ZNF560: variants seen among roughly 807,000 people sequenced by gnomAD.
The protein encoded by ZNF560 is zinc finger protein 560.
A neutral mutation model predicts 81.8 loss-of-function variants in ZNF560; 54 were observed. The observed-to-expected ratio is 0.66, with a 90% CI of 0.53 to 0.83. The LOEUF is 0.83. Among genes scored for constraint, ZNF560 ranks in the 40% least tolerant of loss-of-function variants. The probability of loss-of-function intolerance (pLI) is 0.00; values close to 1 mark genes in which losing one functional copy is unlikely to be tolerated. For missense variants in ZNF560, 940 were observed against 932.4 expected, an observed-to-expected ratio of 1.01 and a Z score of -0.11; for synonymous variants, 321 against 317.9, an observed-to-expected ratio of 1.01 and a Z score of -0.10.
chr19:9,495,633 G>A (rs1278576973), intron 2 of ZNF560, among the ~76,000 whole-genome samples: 1 of 152,202 alleles, frequency 6.6e-6, no homozygotes, highest in Non-Finnish European at 1.5e-5. Context: ...CTTGAACCCA[G>A]GAGGCGGAGG....
intron 2 of ZNF560, among the ~76,000 whole-genome samples, chr19:9,482,654 CCTCCCT>C (rs1336091479): frequency 2.0e-5 from 3 of 148,636 alleles, no homozygotes; most frequent in South Asian, 2.2e-4. Flanking sequence ...TCCCCCTCCC[CCTCCCT>C]CTCCCCACGG....
At chr19:9,474,823 A>AT (rs35450965) in intron 3 of ZNF560, among the ~76,000 whole-genome samples, 27,204 of 86,456 alleles carry the variant, frequency 0.31, 4,297 homozygotes, top group Non-Finnish European at 0.39. Flanking sequence ...CATGCCTGGC[A>AT]TTTTTTTTTT....
chr19:9,446,189 G>C, the ZNF560 span, among the ~76,000 whole-genome samples: 1 of 151,836 alleles, frequency 6.6e-6, no homozygotes, highest in South Asian at 2.1e-4. Context: ...TAAACTTACT[G>C]CCTGCTTGGT....
At chr19:9,506,571 C>G in the ZNF560 span, among the ~76,000 whole-genome samples, 1 of 152,060 alleles carries the variant, frequency 6.6e-6, no homozygotes, top group African/African-American at 2.4e-5. Context: ...AATATACTTA[C>G]CTTTACTAGA....
At chr19:9,463,298 C>G (rs1340862720), downstream of ZNF560, among the ~76,000 whole-genome samples, 5 of 152,144 alleles carry the variant, frequency 3.3e-5, no homozygotes, top group African/African-American at 1.2e-4. Flanking sequence ...TGAAGCTAGG[C>G]AATTTCTAGG....
At chr19:9,488,849 G>C (rs1357044728) in intron 2 of ZNF560, among the ~76,000 whole-genome samples, 1 of 152,150 alleles carries the variant, frequency 6.6e-6, no homozygotes, top group Non-Finnish European at 1.5e-5. Flanking sequence ...GATCATGGGG[G>C]CAGATTTCTC....
chr19:9,467,974 A>G lies in ZNF560; in HGVS notation c.973T>C (p.Cys325Arg), dbSNP rs1365215634. The change falls in exon 10 of 10, where the codon TGT becomes CGT. Residue 325 changes from cysteine to arginine, a missense_variant. Cys to Arg is a radical substitution (Grantham distance 180, BLOSUM62 -3). Transcript: ENST00000301480. ...GTGGAGTGAGTAAATGCTTCCCCAC[A>G]TTGCTTCCATTCATTGAGTTTTTCT... ...SGEKLNEWKQ[C>R]GEAFTHSTSH... The G allele has an allele frequency of 6.2e-7, 1 of 1,614,130 alleles. No individual in the cohort carries two copies. The highest frequency in any genetic ancestry group is 2.2e-5 in the East Asian group (1 of 44,876).
At chr19:9,473,823 GAAGAAAAAA>G (rs930647229) in intron 4 of ZNF560, among the ~76,000 whole-genome samples, 3 of 151,892 alleles carry the variant, frequency 2.0e-5, no homozygotes, top group African/African-American at 7.3e-5. Context: ...ACTCCTGAAT[GAAGAAAAAA>G]AAGAAAAAAA....
At position 9,476,585 on chromosome 19, in the gene ZNF560, C is replaced by T. The variant is rs534990082; in HGVS notation, c.-56-1216G>A. ...GATTACAGATGTGAGCCACCGCGCCCGGCCAATCTGATGGTTTTATAAGTA... is the reference window on the plus strand; with the variant it reads ...GATTACAGATGTGAGCCACCGCGCCTGGCCAATCTGATGGTTTTATAAGTA... On this transcript the variant is annotated intron_variant, in intron 2 of 9. Coordinates refer to ENST00000301480, the MANE Select transcript of ZNF560 (RefSeq NM_152476.3). Among the ~76,000 whole-genome samples, 18 of 152,224 alleles carry T rather than the reference C, an allele frequency of 1.2e-4. No individual in the cohort carries two copies. The South Asian group carries it at 1.5e-3, about 12-fold the overall frequency.
chr19:9,468,044 G>A lies in ZNF560; in HGVS notation c.903C>T (p.Phe301=). The stretch of plus-strand genomic sequence containing the variant: ...GTGCTTCAAGGTATGACTGATAAAT[G>A]AAGGCTTTCCCATAGTCAGTGCCTT... ...SFEGTDYGKA[F]IYQSYLEAHR... is the part of the protein sequence containing the mutation. Residue 301 remains phenylalanine, a synonymous_variant, in exon 10 of 10, where the codon TTC becomes TTT. Transcript: ENST00000301480. 6.2e-7 allele frequency: 1 copy of A among 1,614,148 alleles called. No homozygotes were observed. The highest frequency in any genetic ancestry group is 1.1e-5 in the South Asian group (1 of 91,080).
chr19:9,482,536 G>A (rs1010888957), intron 2 of ZNF560, among the ~76,000 whole-genome samples: 23 of 152,022 alleles, frequency 1.5e-4, no homozygotes, highest in African/African-American at 5.6e-4. Context: ...CTACTCAGGA[G>A]GATCACTTGA....
At position 9,468,365 on chromosome 19, in the gene ZNF560, G is replaced by A. The variant is rs527382505; in HGVS notation, c.613-31C>T. On this transcript the variant is annotated intron_variant, in intron 9 of 9. Transcript: ENST00000301480. ...AACACAGGAATGAACAATAAAGGAAGCATTTTAGCAGACTTATTAATAGAT... is the reference window on the plus strand; with the variant it reads ...AACACAGGAATGAACAATAAAGGAAACATTTTAGCAGACTTATTAATAGAT... 23 of 1,505,442 alleles carry A rather than the reference G, an allele frequency of 1.5e-5. No homozygotes were observed. The Middle Eastern group carries it at 8.9e-4, about 58-fold the overall frequency. The allele number at this position is 1,505,442 out of a possible 1,614,324, so 93.3% of individuals were successfully genotyped here. A position where few individuals can be genotyped will look rare whatever the true frequency, so the allele number is the denominator to read the frequency against.
downstream of ZNF560, among the ~76,000 whole-genome samples, chr19:9,465,887 G>A (rs184106730): frequency 2.4e-3 from 372 of 151,928 alleles, 2 homozygotes; most frequent in Middle Eastern, 0.01. Flanking sequence ...CCAGCTACTC[G>A]GGAGGCTGAG....
At chr19:9,464,755 T>G (rs577120012), downstream of ZNF560, among the ~76,000 whole-genome samples, 3 of 151,904 alleles carry the variant, frequency 2.0e-5, no homozygotes, top group African/African-American at 7.2e-5. Flanking sequence ...GCAACTAGAG[T>G]GGTGTTGCTA....
the ZNF560 span, among the ~76,000 whole-genome samples, chr19:9,460,925 G>T: frequency 1.3e-5 from 2 of 152,202 alleles, no homozygotes; most frequent in African/African-American, 4.8e-5. Flanking sequence ...CTGTCTGCAT[G>T]TGATGGCCAC....
Position 9,473,238 on chromosome 19 carries a change from C to A in ZNF560, c.179G>T (p.Ser60Ile). ...AKVGFQLFKP[S>I]VISWLEEEEL... is the part of the protein sequence containing the mutation. ...TTCTTCTTCCAACCAAGAGATGACA[C>A]TGGGTTTAAAGAGCTGAAATCCTTT... Residue 60 changes from serine to isoleucine, a missense_variant, in exon 5 of 10, where the codon AGT becomes ATT. By Grantham distance (142) the Ser-to-Ile change is moderately radical. Coordinates refer to ENST00000301480, the MANE Select transcript of ZNF560 (RefSeq NM_152476.3). 3.7e-6 allele frequency: 6 copies of A among 1,612,136 alleles called. No homozygotes were observed. Among genetic ancestry groups the A allele is most frequent in the Non-Finnish European group, 5.1e-6 (6 of 1,179,136 alleles).
chr19:9,472,109 C>CAA lies in ZNF560; in HGVS notation c.239-733_239-732dup, dbSNP rs35628783. On this transcript the variant is annotated intron_variant, in intron 5 of 9. Transcript: ENST00000301480. ...TGGGGGACAGAGTGAGACTCCGTCT[C>CAA]AAAAAAAAAAAAAAAAGTTCCCTCA... Among the ~76,000 whole-genome samples the CAA allele has an allele frequency of 8.5e-5, 11 of 130,008 alleles. No individual in the cohort carries two copies. The East Asian group carries it at 9.2e-4, about 11-fold the overall frequency. The allele number at this position is 130,008 out of a possible 152,430, so 85.3% of individuals were successfully genotyped here.
intron 1 of ZNF560, 106 bp downstream of exon 1, chr19:9,498,432 A>C (rs2073596868): frequency 6.6e-6 from 1 of 152,224 alleles, no homozygotes; most frequent in Admixed American, 6.6e-5. Flanking sequence ...ACTCCTGTGG[A>C]GTGGTCCAGG....
At position 9,483,747 on chromosome 19, in the gene ZNF560, G is replaced by T. The variant is rs1399858545; in HGVS notation, c.-56-8378C>A. Among the ~76,000 whole-genome samples the T allele has an allele frequency of 2.0e-5, 3 of 152,054 alleles. No homozygotes were observed. In the South Asian group the frequency reaches 6.2e-4, roughly 32 times the overall value. ...GCCTCTGCCCGGCTGCCCCTTCTGG[G>T]AAGTGAGGAGCCCCTCTGCCCGGCC... On this transcript the variant is annotated intron_variant, in intron 2 of 9. Transcript: ENST00000301480.
Sources: gnomAD v4.1 joint callset for allele counts (sites outside exome capture counted in the v4.1 genomes callset) on GRCh38, gnomAD v4.1.1 for gene constraint, MANE v1.5 for transcripts, NCBI Gene and HGNC (gene_info 2026-07-23, HGNC 2026-07-21) for gene names.